The following NPNT variants were observed in gnomAD, a reference collection of about 807,000 sequenced individuals.
The protein encoded by NPNT is preosteoblast EGF-like repeat protein with MAM domain.
NPNT carries 45 observed loss-of-function variants against 68.6 expected under a neutral mutation model. The ratio of observed to expected loss-of-function variants is 0.66; its 90% CI spans 0.52 to 0.84. NPNT has a LOEUF of 0.84. Ranked by LOEUF, NPNT falls within the 40% of genes least tolerant of loss-of-function variation. The pLI, the probability that NPNT is intolerant of heterozygous loss-of-function variation, is 0.00. For missense variants in NPNT, 672 were observed against 714.8 expected (o/e 0.94, Z 0.68); for synonymous variants, 233 against 253.3 (o/e 0.92, Z 0.76).
intron 2 of NPNT, among the ~76,000 whole-genome samples, chr4:105,907,095 A>G (rs1168832721): frequency 2.0e-5 from 3 of 152,196 alleles, no homozygotes; most frequent in Admixed American, 2.0e-4. Flanking sequence ...ACCTGGATTT[A>G]TAAGGGTTGA....
Position 105,970,488 on chromosome 4 carries a change from A to G in NPNT, c.*1498A>G, listed in dbSNP as rs1437409095. The G allele has an allele frequency of 1.3e-5, 9 of 694,976 alleles. No individual in the cohort carries two copies. In the East Asian group the frequency reaches 2.4e-4, roughly 19 times the overall value. 43.1% of individuals were successfully genotyped at this position (694,976 alleles called of 1,614,324 possible). ...AGAAGAGAAGACTGAGGGGCAAACC[A>G]TTGATGGTTTTCAAGTATATGAAGG... On this transcript the variant is annotated 3_prime_UTR_variant, in exon 12 of 12. Transcript: ENST00000379987.
chr4:105,962,575 ATTAG>A (rs1731803842), intron 10 of NPNT, among the ~76,000 whole-genome samples: 1 of 152,158 alleles, frequency 6.6e-6, no homozygotes, highest in Non-Finnish European at 1.5e-5. Flanking sequence ...TGAAAGTTGG[ATTAG>A]AAAACCTCTA....
intron 2 of NPNT, among the ~76,000 whole-genome samples, chr4:105,919,533 C>T (rs1036160197): frequency 6.6e-6 from 1 of 152,070 alleles, no homozygotes. Flanking sequence ...TCAAACACTG[C>T]ATTTAGTTGA....
chr4:105,924,346 G>C (rs1230259871), intron 2 of NPNT, among the ~76,000 whole-genome samples: 2 of 152,136 alleles, frequency 1.3e-5, no homozygotes, highest in African/African-American at 4.8e-5. Context: ...ACTAATGCCA[G>C]CAAGATAACT....
intron 2 of NPNT, among the ~76,000 whole-genome samples, chr4:105,916,196 A>T (rs146296566): frequency 0.015 from 2,316 of 151,846 alleles, 59 homozygotes; most frequent in African/African-American, 0.053. Flanking sequence ...ACTAAAAGTG[A>T]ATCATTGTTA....
intron 1 of NPNT, among the ~76,000 whole-genome samples, chr4:105,897,608 A>C (rs756031707): frequency 8.6e-5 from 13 of 152,030 alleles, no homozygotes; most frequent in Non-Finnish European, 1.9e-4. Flanking sequence ...CAGCCTTGAG[A>C]ATTGTTGGTG....
intron 3 of NPNT, among the ~76,000 whole-genome samples, chr4:105,931,668 CAAAAAAAAAA>C (rs59960189): frequency 3.0e-5 from 3 of 99,944 alleles, no homozygotes; most frequent in South Asian, 7.1e-4. Flanking sequence ...ACTAAAAATA[CAAAAAAAAAA>C]AAAAAAAAAA....
intron 1 of NPNT, 188 bp downstream of exon 1, chr4:105,895,911 G>T: frequency 1.7e-6 from 1 of 586,926 alleles, no homozygotes; most frequent in Non-Finnish European, 3.0e-6. Context: ...GAGGCGGAGA[G>T]GGCGCGCCCT....
chr4:105,963,232 T>A (rs909284128), intron 10 of NPNT, among the ~76,000 whole-genome samples: 6 of 151,626 alleles, frequency 4.0e-5, no homozygotes, highest in African/African-American at 7.3e-5. Context: ...CAAAAAAAAA[T>A]AATAAATAAT....
chr4:105,933,362 C>A (rs144062151), intron 3 of NPNT, among the ~76,000 whole-genome samples: 1 of 152,280 alleles, frequency 6.6e-6, no homozygotes, highest in East Asian at 1.9e-4. Context: ...CATAATTTTA[C>A]AGTTCCTCTT....
chr4:105,931,668 CAAAA>C (rs59960189), intron 3 of NPNT, among the ~76,000 whole-genome samples: 45 of 99,910 alleles, frequency 4.5e-4, no homozygotes, highest in African/African-American at 1.5e-3. Context: ...ACTAAAAATA[CAAAA>C]AAAAAAAAAA....
intron 2 of NPNT, among the ~76,000 whole-genome samples, chr4:105,910,401 A>G (rs1727263579): frequency 6.6e-6 from 1 of 152,204 alleles, no homozygotes; most frequent in African/African-American, 2.4e-5. Flanking sequence ...TATGATGGCC[A>G]TAGAGCAACA....
chr4:105,931,394 G>C (rs1164135608), intron 3 of NPNT, among the ~76,000 whole-genome samples: 1 of 152,008 alleles, frequency 6.6e-6, no homozygotes, highest in Non-Finnish European at 1.5e-5. Context: ...GAAAGAATTG[G>C]AGTCTTTTAG....
rs1560551903 is a variant in NPNT, at chr4:105,970,666, A to C, written c.*1676A>C. ...AAAAAAGAAGTGTGAAAATCTCAGT[A>C]TCTCTCTCTCTTTCTAAAAAATTAG... is the stretch of plus-strand genomic sequence containing the variant. On this transcript the variant is annotated 3_prime_UTR_variant, in exon 12 of 12. Transcript: ENST00000379987. The C allele has an allele frequency of 1.8e-6, 1 of 570,844 alleles. No individual in the cohort carries two copies. The highest frequency in any genetic ancestry group is 1.7e-5 in the South Asian group (1 of 58,816). 35.4% of individuals were successfully genotyped at this position (570,844 alleles called of 1,614,324 possible).
At chr4:105,900,494 T>A (rs1483658723) in intron 2 of NPNT, among the ~76,000 whole-genome samples, 2 of 152,240 alleles carry the variant, frequency 1.3e-5, no homozygotes, top group East Asian at 3.8e-4. Context: ...GTACAAAACA[T>A]GCTGCCCTTC....
intron 1 of NPNT, among the ~76,000 whole-genome samples, chr4:105,896,719 C>T (rs777031889): frequency 3.3e-5 from 5 of 152,130 alleles, no homozygotes; most frequent in Non-Finnish European, 5.9e-5. Context: ...AATTGATTCG[C>T]TTTCTTGTAC....
chr4:105,919,293 C>G lies in NPNT; in HGVS notation c.173-8043C>G, dbSNP rs1028961597. Among the ~76,000 whole-genome samples, 9 of 151,964 alleles carry G rather than the reference C, an allele frequency of 5.9e-5. No homozygotes were observed. In the South Asian group the frequency reaches 8.3e-4, roughly 14 times the overall value. On this transcript the variant is annotated intron_variant, in intron 2 of 11. Transcript: ENST00000379987. ...CACCCTTCTCTCTTTCTCCCTCAAC[C>G]ATTTTTAAGTAACTTACAGACCTAA...
intron 2 of NPNT, among the ~76,000 whole-genome samples, chr4:105,901,588 C>A (rs976545096): frequency 2.6e-5 from 4 of 152,164 alleles, no homozygotes; most frequent in Non-Finnish European, 4.4e-5. Flanking sequence ...TGTCATTGAG[C>A]AACTTGTGGT....
intron 2 of NPNT, among the ~76,000 whole-genome samples, chr4:105,919,240 A>C (rs10015088): frequency 0.12 from 18,362 of 151,068 alleles, 2,143 homozygotes; most frequent in African/African-American, 0.31. Context: ...CGTTTTACAC[A>C]TTTTTTTTTC....
Sources: allele counts gnomAD v4.1 joint callset (sites outside exome capture counted in the v4.1 genomes callset), GRCh38; gene constraint gnomAD v4.1.1; transcripts MANE v1.5; gene names NCBI Gene and HGNC (gene_info 2026-07-23, HGNC 2026-07-21).